The following RIPOR3 variants were observed in gnomAD, a reference collection of about 807,000 sequenced individuals.
The protein encoded by RIPOR3 is RIPOR family member 3.
In RIPOR3, 95 loss-of-function variants were observed where a neutral mutation model predicts 114.3. That is an observed-to-expected ratio of 0.83 (90% confidence interval 0.70 to 0.99). The LOEUF (loss-of-function observed/expected upper bound fraction) is 0.99. RIPOR3 is among the 50% of genes least tolerant of loss of function. RIPOR3 has a pLI of 0.00. For synonymous variants in RIPOR3, 575 were observed against 543.8 expected (o/e 1.06, Z -0.80); for missense variants, 1,252 against 1,266.9 (o/e 0.99, Z 0.18).
intron 1 of RIPOR3, among the ~76,000 whole-genome samples, chr20:50,639,147 CAGG>C (rs2123312619): frequency 6.6e-6 from 1 of 151,994 alleles, no homozygotes; most frequent in South Asian, 2.1e-4. Context: ...GAAGCTGAGG[CAGG>C]AGAATTGCTT....
At chr20:50,620,984 AG>A (rs1040922977) in intron 2 of RIPOR3, 4 of 525,804 alleles carry the variant, frequency 7.6e-6, no homozygotes, top group African/African-American at 5.9e-5. Flanking sequence ...CATCAAGGAA[AG>A]GGTGGGGACA....
At chr20:50,637,572 AG>A (rs1261501928) in intron 1 of RIPOR3, among the ~76,000 whole-genome samples, 2 of 152,142 alleles carry the variant, frequency 1.3e-5, no homozygotes, top group African/African-American at 2.4e-5. Context: ...TTTAAAAAAA[AG>A]TTTTTGGGGC....
rs1189421393 is a variant in RIPOR3, at chr20:50,608,195, A to AAGGC, written c.956+190_956+193dup. Among the ~76,000 whole-genome samples the AAGGC allele has an allele frequency of 3.3e-5, 5 of 152,256 alleles. No individual in the cohort carries two copies. In the East Asian group the frequency reaches 7.7e-4, roughly 24 times the overall value. ...AAGCAAGAAGGGAAGCAAAACCAGA[A>AAGGC]AGGCAGGCAGGGGCTACAGAGAAGT... On this transcript the variant is annotated intron_variant, in intron 11 of 21. Coordinates refer to ENST00000327979, the MANE Select transcript of RIPOR3 (RefSeq NM_001290268.2).
chr20:50,633,201 G>T (rs904638117), intron 1 of RIPOR3, among the ~76,000 whole-genome samples: 3 of 152,204 alleles, frequency 2.0e-5, no homozygotes, highest in Non-Finnish European at 4.4e-5. Context: ...GGTGGAGGTT[G>T]CAGTGAGCTG....
intron 3 of RIPOR3, among the ~76,000 whole-genome samples, chr20:50,618,629 TG>T (rs1236050738): frequency 6.6e-6 from 1 of 152,234 alleles, no homozygotes; most frequent in Non-Finnish European, 1.5e-5. Flanking sequence ...TTTTCCTCTG[TG>T]GCCCTTACTA....
At chr20:50,589,900 A>G in intron 19 of RIPOR3, 131 bp from the exon 20 acceptor site, 1 of 731,322 alleles carries the variant, frequency 1.4e-6, no homozygotes, top group Non-Finnish European at 2.4e-6. Flanking sequence ...CGTTCAGGAC[A>G]CGATCGGTCC....
chr20:50,622,829 G>A (rs960434941), intron 2 of RIPOR3, among the ~76,000 whole-genome samples: 3 of 152,188 alleles, frequency 2.0e-5, no homozygotes, highest in African/African-American at 7.2e-5. Flanking sequence ...ATGGGACCAC[G>A]TAATACATCA....
At chr20:50,601,471 G>A (rs989452577) in intron 13 of RIPOR3, among the ~76,000 whole-genome samples, 4 of 152,276 alleles carry the variant, frequency 2.6e-5, no homozygotes, top group African/African-American at 7.2e-5. Flanking sequence ...ATAAAAGAGC[G>A]TGTTCAGGGA....
chr20:50,610,957 CTGCCCCGCT>C (rs775657977), intron 5 of RIPOR3, 51 bp from the exon 6 acceptor site: 1 of 1,612,634 alleles, frequency 6.2e-7, no homozygotes, highest in Non-Finnish European at 8.5e-7. Context: ...GGCCACCCAC[CTGCCCCGCT>C]TGCCCCTGCC....
At chr20:50,645,793 C>T (rs2085380141) in intron 1 of RIPOR3, 1 of 152,158 alleles carries the variant, frequency 6.6e-6, no homozygotes, top group African/African-American at 2.4e-5. Flanking sequence ...CCACGTGAGC[C>T]GGTGGAGCCG....
intron 1 of RIPOR3, among the ~76,000 whole-genome samples, chr20:50,657,841 A>C (rs916618205): frequency 6.7e-6 from 1 of 149,622 alleles, no homozygotes; most frequent in Non-Finnish European, 1.5e-5. Context: ...ACAGCCTTGA[A>C]CTCCTGGGCT....
At chr20:50,594,126 A>AT (rs1474010909) in intron 17 of RIPOR3, among the ~76,000 whole-genome samples, 1 of 151,970 alleles carries the variant, frequency 6.6e-6, no homozygotes, top group Non-Finnish European at 1.5e-5. Flanking sequence ...AAAAAAGAAA[A>AT]TTAGCCAAGC....
At chr20:50,592,087 AACAG>A (rs1390605871) in intron 19 of RIPOR3, among the ~76,000 whole-genome samples, 1 of 152,316 alleles carries the variant, frequency 6.6e-6, no homozygotes, top group Admixed American at 6.5e-5. Flanking sequence ...ACTCTGTCTA[AACAG>A]ACAGACAAAA....
chr20:50,598,364 C>A (rs1221162765), intron 13 of RIPOR3, among the ~76,000 whole-genome samples: 1 of 151,966 alleles, frequency 6.6e-6, no homozygotes, highest in Non-Finnish European at 1.5e-5. Context: ...TGTCTTGTCC[C>A]CAACTCGTGG....
At chr20:50,657,290 A>T (rs1237871551) in intron 1 of RIPOR3, among the ~76,000 whole-genome samples, 1 of 152,144 alleles carries the variant, frequency 6.6e-6, no homozygotes, top group Non-Finnish European at 1.5e-5. Context: ...ACTTTAGGAG[A>T]CCTAGGCAGG....
At chr20:50,690,568 G>A (rs2087177304) in intron 1 of RIPOR3, among the ~76,000 whole-genome samples, 1 of 152,132 alleles carries the variant, frequency 6.6e-6, no homozygotes, top group South Asian at 2.1e-4. Flanking sequence ...CTGCTGCTTG[G>A]GATAATTGCA....
intron 11 of RIPOR3, among the ~76,000 whole-genome samples, chr20:50,606,528 G>A (rs1030735809): frequency 2.0e-5 from 3 of 152,148 alleles, no homozygotes; most frequent in South Asian, 2.1e-4. Context: ...TGGATGGGCC[G>A]CTGGCGAAAC....
intron 13 of RIPOR3, among the ~76,000 whole-genome samples, chr20:50,601,075 G>C (rs1268569623): frequency 6.6e-6 from 1 of 152,156 alleles, no homozygotes; most frequent in Non-Finnish European, 1.5e-5. Context: ...AGGGCATAAG[G>C]ACCGAGGGAA....
chr20:50,622,808 T>C (rs1231150485), intron 2 of RIPOR3, among the ~76,000 whole-genome samples: 2 of 152,204 alleles, frequency 1.3e-5, no homozygotes, highest in African/African-American at 4.8e-5. Context: ...CTCTGTCTTT[T>C]CACTGGTAAA....
Sources: allele counts gnomAD v4.1 joint callset (sites outside exome capture counted in the v4.1 genomes callset), GRCh38; gene constraint gnomAD v4.1.1; transcripts MANE v1.5; gene names NCBI Gene and HGNC (gene_info 2026-07-23, HGNC 2026-07-21).